The following DIPK1A variants were observed in gnomAD, a reference collection of about 807,000 sequenced individuals.
DIPK1A encodes divergent protein kinase domain 1A, also known as family with sequence similarity 69 member A.
In DIPK1A, 27 loss-of-function variants were observed where a neutral mutation model predicts 40.8. The observed-to-expected ratio is 0.66, with a 90% CI of 0.49 to 0.91. The LOEUF (loss-of-function observed/expected upper bound fraction) is 0.91. Ranked by LOEUF, DIPK1A falls within the 40% of genes least tolerant of loss-of-function variation. The pLI is 0.00. For synonymous variants in DIPK1A, 166 were observed against 171.3 expected, an observed-to-expected ratio of 0.97 and a Z score of 0.24; for missense variants, 412 against 505.7, an observed-to-expected ratio of 0.81 and a Z score of 1.78.
intron 2 of DIPK1A, among the ~76,000 whole-genome samples, chr1:92,866,188 G>A (rs1647528730): frequency 2.0e-5 from 3 of 152,118 alleles, no homozygotes; most frequent in Admixed American, 6.6e-5. Flanking sequence ...TGCAGCCTCC[G>A]TCTCCCGGGT....
chr1:92,851,573 T>TAAAA (rs57720787), intron 2 of DIPK1A, among the ~76,000 whole-genome samples: 1 of 132,328 alleles, frequency 7.6e-6, no homozygotes, highest in African/African-American at 2.8e-5. Context: ...CTTCTGGTTT[T>TAAAA]AAAATAAATA....
At chr1:92,876,939 T>C in intron 1 of DIPK1A, 1 of 971,648 alleles carries the variant, frequency 1.0e-6, no homozygotes. Context: ...TACAGTCATT[T>C]CTATTTCCCT....
exon 5 of DIPK1A, chr1:92,832,995 A>G: frequency 4.1e-6 from 3 of 736,834 alleles, no homozygotes; most frequent in South Asian, 2.9e-5. Context: ...TGTCTGGAGC[A>G]GTGCTTCGCA....
intron 4 of DIPK1A, among the ~76,000 whole-genome samples, chr1:92,845,292 GTTTTTTTT>G (rs71094207): frequency 1.0e-5 from 1 of 97,420 alleles, no homozygotes; most frequent in Non-Finnish European, 2.1e-5. Flanking sequence ...GCAGAGTACC[GTTTTTTTT>G]TTTTTTTTTT....
intron 1 of DIPK1A, among the ~76,000 whole-genome samples, chr1:92,899,498 TTCAG>T (rs1649320897): frequency 6.6e-6 from 1 of 152,220 alleles, no homozygotes; most frequent in Non-Finnish European, 1.5e-5. Context: ...TTTTCATCCA[TTCAG>T]CCAGTCTATA....
intron 1 of DIPK1A, among the ~76,000 whole-genome samples, chr1:92,947,587 A>C (rs1472817321): frequency 1.3e-5 from 2 of 152,236 alleles, no homozygotes; most frequent in Non-Finnish European, 2.9e-5. Flanking sequence ...CAGCAATCCC[A>C]CTACTGGGTA....
chr1:92,960,681 G>C (rs1652036108), intron 1 of DIPK1A, among the ~76,000 whole-genome samples: 2 of 152,126 alleles, frequency 1.3e-5, no homozygotes, highest in Non-Finnish European at 2.9e-5. Context: ...CATTACTAGG[G>C]TATTTGGGAT....
At chr1:92,841,065 AATTT>A (rs1348723876), downstream of DIPK1A, among the ~76,000 whole-genome samples, 2 of 152,236 alleles carry the variant, frequency 1.3e-5, no homozygotes, top group Non-Finnish European at 2.9e-5. Flanking sequence ...CAACATTTGA[AATTT>A]ATTCTCTTAA....
rs1687460589 is a variant in DIPK1A, at chr1:92,843,489, ATACAAGAATAAAGC to A, written c.1167_1180del (p.Gln389HisfsTer20). On this transcript the variant is annotated frameshift_variant, in exon 5 of 5. Transcript: ENST00000370310. LOFTEE classifies it high-confidence loss of function. ...TTGATTTGCTGTGACTTTGAGAGCA[ATACAAGAATAAAGC>A]TGCTTTTCTAATTCTTCACGAATTT... 6.4e-7 allele frequency: 1 copy of A among 1,551,720 alleles called. No individual in the cohort carries two copies. The highest frequency in any genetic ancestry group is 8.7e-7 in the Non-Finnish European group (1 of 1,146,954).
At chr1:92,918,515 A>C (rs536565715) in intron 1 of DIPK1A, among the ~76,000 whole-genome samples, 25 of 152,062 alleles carry the variant, frequency 1.6e-4, no homozygotes, top group Middle Eastern at 3.2e-3. Flanking sequence ...TACATTCCTC[A>C]ATTTTGCATT....
In DIPK1A at chr1:92,842,828, AC is replaced by A. The variant is rs1687430551; in HGVS notation, c.*554del. 1 of 985,368 alleles carries A rather than the reference AC, an allele frequency of 1.0e-6. No homozygotes were observed. The highest frequency in any genetic ancestry group is 1.2e-6 in the Non-Finnish European group (1 of 829,992). The allele number at this position is 985,368 out of a possible 1,614,324, so 61.0% of individuals were successfully genotyped here. A position where few individuals can be genotyped will look rare whatever the true frequency, so the allele number is the denominator to read the frequency against. Reference sequence around the variant, plus strand: ...TTGAACCATTGTGAAGCTACACATAACTTGATGTCTGAATGAGGTTAAAAAT... The same window carrying A: ...TTGAACCATTGTGAAGCTACACATAATTGATGTCTGAATGAGGTTAAAAAT... On this transcript the variant is annotated 3_prime_UTR_variant, in exon 5 of 5. Transcript: ENST00000370310.
chr1:92,876,530 T>C, intron 1 of DIPK1A, 100 bp from the exon 2 acceptor site: 2 of 1,263,324 alleles, frequency 1.6e-6, no homozygotes, highest in South Asian at 1.5e-5. Context: ...CAACTCAATA[T>C]ATATTCCAGG....
rs1335969615 is a variant in DIPK1A, at chr1:92,842,792, A to C, written c.*591T>G. Reference sequence around the variant, plus strand: ...GTACTGTCAAGTATAAGATTTCTTGAAGTAAGCCACTTGAACCATTGTGAA... The same window carrying C: ...GTACTGTCAAGTATAAGATTTCTTGCAGTAAGCCACTTGAACCATTGTGAA... On this transcript the variant is annotated 3_prime_UTR_variant, in exon 5 of 5. Transcript: ENST00000370310. The C allele has an allele frequency of 1.0e-6, 1 of 985,450 alleles. No homozygotes were observed. The highest frequency in any genetic ancestry group is 1.1e-4 in the East Asian group (1 of 8,820). The allele number at this position is 985,450 out of a possible 1,614,324, so 61.0% of individuals were successfully genotyped here.
intron 1 of DIPK1A, among the ~76,000 whole-genome samples, chr1:92,905,482 A>AT (rs1211774399): frequency 2.6e-5 from 4 of 152,048 alleles, no homozygotes; most frequent in East Asian, 1.9e-4. Context: ...AGATTATTAG[A>AT]TTTTTTCCCT....
downstream of DIPK1A, chr1:92,837,415 T>C: frequency 6.5e-7 from 1 of 1,549,636 alleles, no homozygotes; most frequent in South Asian, 1.1e-5. Context: ...GTAAACTAAG[T>C]TAAGTGAGTC....
intron 4 of DIPK1A, chr1:92,845,521 A>G: frequency 2.5e-6 from 1 of 393,186 alleles, no homozygotes. Context: ...AAAAAAAAAA[A>G]AAAAAAAACC....
chr1:92,864,435 G>GA (rs1309796868), intron 2 of DIPK1A, among the ~76,000 whole-genome samples: 1 of 152,170 alleles, frequency 6.6e-6, no homozygotes, highest in Non-Finnish European at 1.5e-5. Context: ...GTAATGTAGT[G>GA]AGTAATTCCT....
At chr1:92,871,153 T>C (rs1393913805) in intron 2 of DIPK1A, among the ~76,000 whole-genome samples, 2 of 152,066 alleles carry the variant, frequency 1.3e-5, no homozygotes, top group African/African-American at 4.8e-5. Flanking sequence ...CTGACTATTC[T>C]TTTATTCTTT....
In DIPK1A at chr1:92,843,086, G is replaced by A; in HGVS notation, c.*297C>T. Reference sequence around the variant, plus strand: ...GTAAATCTACAAATCACTCACTGTTGATGTTTATGGAATGAAGCTTTTCAC... The same window carrying A: ...GTAAATCTACAAATCACTCACTGTTAATGTTTATGGAATGAAGCTTTTCAC... On this transcript the variant is annotated 3_prime_UTR_variant, in exon 5 of 5. Coordinates refer to ENST00000370310, the MANE Select transcript of DIPK1A (RefSeq NM_001006605.5). 9.4e-7 allele frequency: 1 copy of A among 1,067,636 alleles called. No individual in the cohort carries two copies. Among genetic ancestry groups the A allele is most frequent in the Non-Finnish European group, 1.1e-6 (1 of 882,766 alleles). The allele number at this position is 1,067,636 out of a possible 1,614,324, so 66.1% of individuals were successfully genotyped here. A position where few individuals can be genotyped will look rare whatever the true frequency, so the allele number is the denominator to read the frequency against.
Sources: allele counts gnomAD v4.1 joint callset (sites outside exome capture counted in the v4.1 genomes callset), GRCh38; gene constraint gnomAD v4.1.1; transcripts MANE v1.5; gene names NCBI Gene and HGNC (gene_info 2026-07-23, HGNC 2026-07-21).